The following ADAMTSL1 variants were observed in gnomAD, a reference collection of about 807,000 sequenced individuals.
The protein encoded by ADAMTSL1 is ADAMTS-like protein 1.
Under a neutral mutation model 201.8 loss-of-function variants are expected in ADAMTSL1, and 126 were observed. The observed-to-expected ratio is 0.62, with a 90% CI of 0.54 to 0.72. The LOEUF (loss-of-function observed/expected upper bound fraction) is 0.72, where lower values mean the gene tolerates loss of function less well. Among genes scored for constraint, ADAMTSL1 ranks in the 30% least tolerant of loss-of-function variants. The pLI is 0.00. For synonymous variants in ADAMTSL1, 1,121 were observed against 903.4 expected, an observed-to-expected ratio of 1.24 and a Z score of -4.32; for missense variants, 2,679 against 2,277.8, an observed-to-expected ratio of 1.18 and a Z score of -3.59.
intron 1 of ADAMTSL1, among the ~76,000 whole-genome samples, chr9:17,955,442 G>A (rs77577555): frequency 6.6e-6 from 1 of 152,108 alleles, no homozygotes; most frequent in African/African-American, 2.4e-5. Flanking sequence ...TCCAAATTTA[G>A]GACTGTAGTT....
intron 1 of ADAMTSL1, among the ~76,000 whole-genome samples, chr9:18,077,370 G>A (rs2131756348): frequency 6.6e-6 from 1 of 152,282 alleles, no homozygotes; most frequent in East Asian, 1.9e-4. Context: ...GAGTGTTCAT[G>A]GAGAAGAGGA....
chr9:18,906,851 G>C lies in ADAMTSL1; in HGVS notation c.5121G>C (p.Leu1707=). 7 of 1,614,038 alleles carry C rather than the reference G, an allele frequency of 4.3e-6. No individual in the cohort carries two copies. Among genetic ancestry groups the C allele is most frequent in the Non-Finnish European group, 5.9e-6 (7 of 1,179,886 alleles). ...CCAACAAGGCAGTGCCTGAGCACCT[G>C]TGCTCCTGGGGGCCCCGGCCTGCCA... is the stretch of plus-strand genomic sequence containing the variant. ...ARTNKAVPEH[L]CSWGPRPANW... Residue 1707 remains leucine, a synonymous_variant, in exon 28 of 29, where the codon CTG becomes CTC. Transcript: ENST00000380548.
At chr9:18,874,508 G>A (rs2131475597) in intron 23 of ADAMTSL1, among the ~76,000 whole-genome samples, 1 of 152,142 alleles carries the variant, frequency 6.6e-6, no homozygotes, top group East Asian at 1.9e-4. Context: ...AGCAATACTG[G>A]ATTTTGTCAG....
At chr9:17,945,940 C>T (rs1482834194) in intron 1 of ADAMTSL1, among the ~76,000 whole-genome samples, 1 of 151,654 alleles carries the variant, frequency 6.6e-6, no homozygotes, top group Non-Finnish European at 1.5e-5. Context: ...ACATGGTGCA[C>T]ATGTACCCTA....
chr9:18,769,336 C>A (rs898250933), intron 16 of ADAMTSL1, among the ~76,000 whole-genome samples: 2 of 152,112 alleles, frequency 1.3e-5, no homozygotes, highest in Non-Finnish European at 2.9e-5. Flanking sequence ...CTCAGCAAGC[C>A]CAAAGGCAGC....
intron 2 of ADAMTSL1, among the ~76,000 whole-genome samples, chr9:18,200,386 A>G (rs1829389722): frequency 6.6e-6 from 1 of 152,072 alleles, no homozygotes; most frequent in Non-Finnish European, 1.5e-5. Context: ...AACTGTATAA[A>G]TTCTTTTCCA....
intron 5 of ADAMTSL1, among the ~76,000 whole-genome samples, chr9:18,631,369 T>A (rs562558992): frequency 6.6e-5 from 10 of 152,194 alleles, no homozygotes; most frequent in Admixed American, 6.6e-4. Flanking sequence ...TCTTATTTTG[T>A]TGGATATATT....
intron 23 of ADAMTSL1, among the ~76,000 whole-genome samples, chr9:18,861,338 T>A (rs944860228): frequency 6.6e-6 from 1 of 152,240 alleles, no homozygotes; most frequent in Admixed American, 6.5e-5. Context: ...CAGGTCTAAA[T>A]TGGCCTGAAT....
chr9:18,186,806 C>T (rs1187535911), intron 2 of ADAMTSL1, among the ~76,000 whole-genome samples: 1 of 151,292 alleles, frequency 6.6e-6, no homozygotes, highest in African/African-American at 2.4e-5. Flanking sequence ...TCATATTGTG[C>T]CAGCAGTGCC....
chr9:18,412,109 C>T (rs1046800138), intron 2 of ADAMTSL1, among the ~76,000 whole-genome samples: 1 of 152,204 alleles, frequency 6.6e-6, no homozygotes, highest in Non-Finnish European at 1.5e-5. Context: ...TTGCTAATTG[C>T]TTCCTCATGG....
In ADAMTSL1 at chr9:18,067,469, A is replaced by G. The variant is rs2131721775; in HGVS notation, c.88-96393A>G. Among the ~76,000 whole-genome samples, 2 of 152,342 alleles carry G rather than the reference A, an allele frequency of 1.3e-5. 1 individual carries two copies. The highest frequency in any genetic ancestry group is 4.1e-4 in the South Asian group (2 of 4,826). Reference sequence around the variant, plus strand: ...GAAATATGAAAGCATAAAATGCCACATACCACATTGAAACCATAATCATTG... The same window carrying G: ...GAAATATGAAAGCATAAAATGCCACGTACCACATTGAAACCATAATCATTG... On this transcript the variant is annotated intron_variant, in intron 1 of 29. Coordinates refer to the ADAMTSL1 transcript ENST00000680146.
At chr9:18,195,048 G>C (rs190089705) in intron 2 of ADAMTSL1, among the ~76,000 whole-genome samples, 13 of 152,208 alleles carry the variant, frequency 8.5e-5, no homozygotes, top group African/African-American at 3.1e-4. Flanking sequence ...AAGATGAAAG[G>C]CTTAAATTAA....
chr9:18,043,417 A>C lies in ADAMTSL1; in HGVS notation c.88-120445A>C, dbSNP rs377508349. Among the ~76,000 whole-genome samples, 237 of 152,296 alleles carry C rather than the reference A, an allele frequency of 1.6e-3. 7 individuals carry two copies. In the South Asian group the frequency reaches 0.049, roughly 31 times the overall value. Reference sequence around the variant, plus strand: ...ATATTTAGAACCAGAGGCAGCTTCCAAAGCAACTGGCCAGTTCAAGCTATT... The same window carrying C: ...ATATTTAGAACCAGAGGCAGCTTCCCAAGCAACTGGCCAGTTCAAGCTATT... On this transcript the variant is annotated intron_variant, in intron 1 of 29. Transcript: ENST00000680146.
At chr9:18,681,714 G>GGA (rs1564146020) in intron 11 of ADAMTSL1, 98 bp from the exon 12 acceptor site, 6 of 884,490 alleles carry the variant, frequency 6.8e-6, no homozygotes, top group South Asian at 2.8e-5. Flanking sequence ...GGGGGGCGGG[G>GGA]AAAAAGAAAA....
At chr9:18,268,795 T>G (rs1221960715) in intron 2 of ADAMTSL1, among the ~76,000 whole-genome samples, 2 of 152,182 alleles carry the variant, frequency 1.3e-5, no homozygotes, top group Non-Finnish European at 2.9e-5. Flanking sequence ...ATCTTTTGTT[T>G]ATTCTTGAGA....
chr9:18,548,177 T>C (rs1820589319), intron 3 of ADAMTSL1, among the ~76,000 whole-genome samples: 1 of 152,056 alleles, frequency 6.6e-6, no homozygotes, highest in African/African-American at 2.4e-5. Flanking sequence ...TTTGTGGTCA[T>C]TCATGGGCAT....
At chr9:18,658,115 C>T (rs943958778) in intron 8 of ADAMTSL1, among the ~76,000 whole-genome samples, 28 of 152,112 alleles carry the variant, frequency 1.8e-4, no homozygotes, top group African/African-American at 5.6e-4. Context: ...GCTGGGACTG[C>T]AGGCGCCCGC....
intron 7 of ADAMTSL1, 84 bp from the exon 8 acceptor site, chr9:18,657,555 A>C: frequency 1.0e-6 from 1 of 982,804 alleles, no homozygotes; most frequent in Non-Finnish European, 1.6e-6. Context: ...CATCAGCACT[A>C]CCATATACTC....
intron 2 of ADAMTSL1, among the ~76,000 whole-genome samples, chr9:18,206,053 C>CAAAAAAAAAAAAAAAAAAAAAAAAAA: frequency 1.8e-5 from 1 of 54,338 alleles, no homozygotes; most frequent in Non-Finnish European, 3.0e-5. Flanking sequence ...GACTCCATCT[C>CAAAAAAAAAAAAAAAAAAAAAAAAAA]AAAAAAAAAA....
Sources: allele counts gnomAD v4.1 joint callset (sites outside exome capture counted in the v4.1 genomes callset), GRCh38; gene constraint gnomAD v4.1.1; transcripts MANE v1.5; gene names NCBI Gene and HGNC (gene_info 2026-07-23, HGNC 2026-07-21).